RAD51B: variants seen among roughly 807,000 people sequenced by gnomAD.
RAD51B encodes RAD51 paralog B, also known as DNA repair protein RAD51 homolog 2.
In RAD51B, 38 loss-of-function variants were observed where a neutral mutation model predicts 42.2. The observed-to-expected ratio is 0.90, with a 90% confidence interval of 0.70 to 1.18. The LOEUF (loss-of-function observed/expected upper bound fraction) is 1.18. Ranked by LOEUF, RAD51B falls within the 50% of genes most tolerant of loss-of-function variation. RAD51B has a pLI of 0.00. For synonymous variants in RAD51B, 154 were observed against 145.2 expected (o/e 1.06, Z -0.43); for missense variants, 373 against 400.7 (o/e 0.93, Z 0.59).
intron 8 of RAD51B, among the ~76,000 whole-genome samples, chr14:68,351,320 A>G (rs1252837424): frequency 6.6e-6 from 1 of 152,214 alleles, no homozygotes; most frequent in African/African-American, 2.4e-5. Context: ...TTTTTGTACC[A>G]AAAGTAGAAA....
At chr14:67,881,877 T>C (rs2042918043) in intron 5 of RAD51B, among the ~76,000 whole-genome samples, 1 of 152,258 alleles carries the variant, frequency 6.6e-6, no homozygotes, top group Non-Finnish European at 1.5e-5. Flanking sequence ...TTTCCAGCTC[T>C]ATAATGCAAC....
At chr14:68,110,597 A>C (rs144636997) in intron 7 of RAD51B, among the ~76,000 whole-genome samples, 45 of 152,226 alleles carry the variant, frequency 3.0e-4, no homozygotes, top group Middle Eastern at 3.4e-3. Context: ...GAACATAAGA[A>C]CTGTGCTAAA....
At chr14:68,211,916 T>C (rs2079717333) in intron 7 of RAD51B, among the ~76,000 whole-genome samples, 2 of 152,240 alleles carry the variant, frequency 1.3e-5, no homozygotes, top group Non-Finnish European at 1.5e-5. Flanking sequence ...AAATGCCTCC[T>C]ATTATGATGT....
At chr14:68,007,356 T>A (rs1048555654) in intron 7 of RAD51B, among the ~76,000 whole-genome samples, 2 of 152,090 alleles carry the variant, frequency 1.3e-5, no homozygotes, top group Non-Finnish European at 2.9e-5. Flanking sequence ...ACATGTGCTT[T>A]TAATTCTCTT....
chr14:68,306,550 T>C, intron 8 of RAD51B: 1 of 461,752 alleles, frequency 2.2e-6, no homozygotes. Context: ...TCATCTGAAA[T>C]TGGTATGTGT....
Position 68,633,082 on chromosome 14 carries a change from G to A in RAD51B, c.1037-17699G>A, listed in dbSNP as rs1892270517. 2.2e-5 allele frequency among the ~76,000 whole-genome samples: 3 copies of A among 135,736 alleles called. No homozygotes were observed. The South Asian group carries it at 7.2e-4, about 33-fold the overall frequency. The allele number at this position is 135,736 out of a possible 152,430, so 89.0% of individuals were successfully genotyped here. ...GATCCTCCTGTCTTGGCCTCCCAAA[G>A]TGCTGAAGTGCTGGGATTATAGGCA... On this transcript the variant is annotated intron_variant, in intron 10 of 11. Coordinates refer to the RAD51B transcript ENST00000488612.
chr14:68,329,946 C>A (rs1219883077), intron 8 of RAD51B, among the ~76,000 whole-genome samples: 1 of 144,510 alleles, frequency 6.9e-6, no homozygotes, highest in East Asian at 2.0e-4. Flanking sequence ...CGTGCCACAG[C>A]ACTCCAGCCT....
chr14:68,548,416 GC>G (rs1480437588), intron 10 of RAD51B, among the ~76,000 whole-genome samples: 1 of 152,222 alleles, frequency 6.6e-6, no homozygotes, highest in Admixed American at 6.5e-5. Context: ...GGCTGCAGAT[GC>G]TGTAAATATG....
At chr14:68,098,299 G>T (rs1206520425) in intron 7 of RAD51B, among the ~76,000 whole-genome samples, 1 of 152,174 alleles carries the variant, frequency 6.6e-6, no homozygotes, top group Non-Finnish European at 1.5e-5. Context: ...TGCTTACTAT[G>T]TGCCAGCTTT....
intron 1 of RAD51B, among the ~76,000 whole-genome samples, chr14:67,822,737 C>A (rs117220061): frequency 0.015 from 2,262 of 151,528 alleles, 30 homozygotes; most frequent in Middle Eastern, 0.034. Context: ...CTCTCTCTCT[C>A]TCTATATATA....
chr14:68,228,679 G>A (rs537369127), intron 7 of RAD51B, among the ~76,000 whole-genome samples: 104 of 152,250 alleles, frequency 6.8e-4, no homozygotes, highest in Admixed American at 2.4e-3. Context: ...GTTAAAAACA[G>A]CTTTATTTTA....
At chr14:68,103,597 T>G (rs2077327398) in intron 7 of RAD51B, among the ~76,000 whole-genome samples, 1 of 152,216 alleles carries the variant, frequency 6.6e-6, no homozygotes, top group South Asian at 2.1e-4. Flanking sequence ...TGCACCCATT[T>G]CTCATTTCTT....
chr14:68,305,521 G>A (rs200106012), intron 8 of RAD51B, among the ~76,000 whole-genome samples: 1 of 152,210 alleles, frequency 6.6e-6, no homozygotes, highest in African/African-American at 2.4e-5. Flanking sequence ...AATCCAGAAC[G>A]TGAGGCCCAC....
chr14:67,977,964 T>C (rs2075025805), intron 7 of RAD51B, among the ~76,000 whole-genome samples: 1 of 152,232 alleles, frequency 6.6e-6, no homozygotes, highest in African/African-American at 2.4e-5. Flanking sequence ...TATGGCTTTT[T>C]CTATTTCTGT....
intron 10 of RAD51B, among the ~76,000 whole-genome samples, chr14:68,633,333 G>A (rs1011473334): frequency 1.3e-5 from 2 of 152,094 alleles, no homozygotes; most frequent in Non-Finnish European, 2.9e-5. Flanking sequence ...TGACTTGGCA[G>A]AGCTACAACG....
chr14:68,519,318 A>G lies in RAD51B; in HGVS notation c.1036+51068A>G, dbSNP rs542361164. ...GCAGATTTCCTGGCCAACCTGAATT[A>G]ACTGAATCAGATTCTCTGGAGGTAG... On this transcript the variant is annotated intron_variant, in intron 10 of 10. Coordinates refer to the RAD51B transcript ENST00000487270. Among the ~76,000 whole-genome samples the G allele has an allele frequency of 9.2e-5, 14 of 152,376 alleles. No individual in the cohort carries two copies. The East Asian group carries it at 2.5e-3, about 27-fold the overall frequency.
chr14:68,388,360 A>C (rs954829157), intron 8 of RAD51B, among the ~76,000 whole-genome samples: 1 of 152,148 alleles, frequency 6.6e-6, no homozygotes, highest in Middle Eastern at 3.4e-3. Flanking sequence ...GGCCTCCCAA[A>C]GTGCTGGGAT....
chr14:68,421,714 C>T, intron 9 of RAD51B: 2 of 1,588,502 alleles, frequency 1.3e-6, no homozygotes, highest in South Asian at 1.1e-5. Flanking sequence ...GAGTTGTCCA[C>T]AGTCAGCAAT....
At chr14:68,611,131 C>A (rs1467053465) in exon 11 of RAD51B, 2 of 703,152 alleles carry the variant, frequency 2.8e-6, no homozygotes, top group South Asian at 1.5e-5. Context: ...CAGGCTGTTA[C>A]CCAGTGTCTC....
Sources: allele counts gnomAD v4.1 joint callset (sites outside exome capture counted in the v4.1 genomes callset), GRCh38; gene constraint gnomAD v4.1.1; transcripts MANE v1.5; gene names NCBI Gene and HGNC (gene_info 2026-07-23, HGNC 2026-07-21).